The following TTC8 variants were observed in gnomAD, a reference collection of about 807,000 sequenced individuals.
The protein encoded by TTC8 is tetratricopeptide repeat protein 8.
TTC8 carries 47 observed loss-of-function variants against 72.5 expected under a neutral mutation model. That is an observed-to-expected ratio of 0.65 (90% CI 0.51 to 0.83). The LOEUF (loss-of-function observed/expected upper bound fraction) is 0.83. TTC8 is among the 40% of genes least tolerant of loss of function. The pLI is 0.00. For synonymous variants in TTC8, 199 were observed against 221.4 expected (o/e 0.90, Z 0.90); for missense variants, 611 against 623.2 (o/e 0.98, Z 0.21).
Position 88,847,424 on chromosome 14 carries a change from A to G in TTC8, c.624+3574A>G, listed in dbSNP as rs1264074864. 4.6e-5 allele frequency among the ~76,000 whole-genome samples: 7 copies of G among 152,338 alleles called. No individual in the cohort carries two copies. In the East Asian group the frequency reaches 1.4e-3, roughly 29 times the overall value. On this transcript the variant is annotated intron_variant, in intron 7 of 14. Coordinates refer to ENST00000380656, the MANE Select transcript of TTC8 (RefSeq NM_144596.4). ...AACATATCTCATTAACACGGAGGTG[A>G]TAGTAAAAACTATTGAGAACTGGAG...
chr14:88,860,736 C>T (rs1304165551), intron 9 of TTC8, among the ~76,000 whole-genome samples: 3 of 151,954 alleles, frequency 2.0e-5, no homozygotes, highest in Non-Finnish European at 4.4e-5. Flanking sequence ...TTATGTATAA[C>T]ATGTGGAGAT....
At chr14:88,826,308 A>T (rs182212315) in intron 1 of TTC8, among the ~76,000 whole-genome samples, 109 of 152,090 alleles carry the variant, frequency 7.2e-4, no homozygotes, top group African/African-American at 2.5e-3. Flanking sequence ...TTTTTGGCAT[A>T]GTAATCTTAT....
chr14:88,862,841 C>T lies in TTC8; in HGVS notation c.909+1509C>T, dbSNP rs73329013. Among the ~76,000 whole-genome samples, 1,311 of 151,020 alleles carry T rather than the reference C, an allele frequency of 8.7e-3. 15 individuals are homozygous for T. The highest frequency in any genetic ancestry group is 0.03 in the African/African-American group (1,253 of 41,148). On this transcript the variant is annotated intron_variant, in intron 10 of 14. Coordinates refer to ENST00000380656, the MANE Select transcript of TTC8 (RefSeq NM_144596.4). ...ATGCTTATAAATTTTAGAGTCATGT[C>T]GTCAAATTCTATGAAAAGTCCCATT...
intron 9 of TTC8, 137 bp from the exon 10 acceptor site, chr14:88,861,085 T>A (rs2094883778): frequency 3.0e-6 from 2 of 671,702 alleles, no homozygotes; most frequent in Non-Finnish European, 5.0e-6. Context: ...AATACAGGTG[T>A]GAGCCACCAC....
chr14:88,847,232 C>G (rs931154864), intron 7 of TTC8, among the ~76,000 whole-genome samples: 1 of 152,106 alleles, frequency 6.6e-6, no homozygotes, highest in Non-Finnish European at 1.5e-5. Flanking sequence ...GGTTAATAGA[C>G]GGGTGTAATG....
At chr14:88,841,704 C>G (rs2094782487) in intron 6 of TTC8, 190 bp downstream of exon 6, 1 of 619,934 alleles carries the variant, frequency 1.6e-6, no homozygotes, top group African/African-American at 1.8e-5. Flanking sequence ...AAATAAAGTA[C>G]ATATACCATT....
rs779999360 is a variant in TTC8 at position 88,877,454 on chromosome 14, A to C, written c.*44A>C. ...ATGTTCTTATGAAGCAGCATTATGC[A>C]AGGGGAAAAAAGCACTATGTCTGTG... On this transcript the variant is annotated 3_prime_UTR_variant, in exon 15 of 15. Coordinates refer to ENST00000380656, the MANE Select transcript of TTC8 (RefSeq NM_144596.4). 3.4e-6 allele frequency: 5 copies of C among 1,468,998 alleles called. No homozygotes were observed. The highest frequency in any genetic ancestry group is 1.4e-5 in the African/African-American group (1 of 71,974). 91.0% of individuals were successfully genotyped at this position (1,468,998 alleles called of 1,614,324 possible).
intron 7 of TTC8, among the ~76,000 whole-genome samples, chr14:88,851,602 G>A (rs1037788656): frequency 6.6e-6 from 1 of 151,986 alleles, no homozygotes; most frequent in African/African-American, 2.4e-5. Flanking sequence ...GAATTAAGCT[G>A]GCTGAAAATA....
intron 9 of TTC8, among the ~76,000 whole-genome samples, chr14:88,860,246 C>T (rs886607657): frequency 6.6e-6 from 1 of 151,784 alleles, no homozygotes; most frequent in African/African-American, 2.4e-5. Context: ...TCTATTGTAT[C>T]CCTTTGGATT....
intron 10 of TTC8, among the ~76,000 whole-genome samples, chr14:88,864,165 A>T (rs2094899963): frequency 6.6e-6 from 1 of 152,202 alleles, no homozygotes; most frequent in South Asian, 2.1e-4. Context: ...GATTTTCCAT[A>T]ATAAACATGT....
At chr14:88,846,720 T>C (rs1422406677) in intron 7 of TTC8, 1 of 1,084,396 alleles carries the variant, frequency 9.2e-7, no homozygotes, top group East Asian at 2.7e-5. Flanking sequence ...TTCTAAAGAT[T>C]CTAAGGGTTA....
chr14:88,857,656 G>A (rs112857507), intron 9 of TTC8, among the ~76,000 whole-genome samples: 24 of 152,156 alleles, frequency 1.6e-4, no homozygotes, highest in African/African-American at 5.1e-4. Context: ...CTAGTTACTC[G>A]GCTGAGGCAT....
At chr14:88,874,440 A>C (rs1355971438) in intron 13 of TTC8, among the ~76,000 whole-genome samples, 1 of 152,096 alleles carries the variant, frequency 6.6e-6, no homozygotes, top group Non-Finnish European at 1.5e-5. Context: ...CAAAAAAAAA[A>C]TGTGAATGTT....
At position 88,870,199 on chromosome 14, in the gene TTC8, GTGC is replaced by G. The variant is rs587777807; in HGVS notation, c.1049+2_1049+4del. ...CAGAAATAGCTCTCCGGTTTTACAG[GTGC>G]ACTTCACATCCAATTCTTAGAACCA... On this transcript the variant is annotated splice_donor_variant and splice_donor_region_variant and intron_variant, in intron 11 of 14. Coordinates refer to ENST00000380656, the MANE Select transcript of TTC8 (RefSeq NM_144596.4). LOFTEE classifies it high-confidence loss of function. 1 of 1,613,984 alleles carries G rather than the reference GTGC, an allele frequency of 6.2e-7. No homozygotes were observed. Among genetic ancestry groups the G allele is most frequent in the South Asian group, 1.1e-5 (1 of 91,074 alleles).
intron 8 of TTC8, among the ~76,000 whole-genome samples, chr14:88,853,796 A>G (rs577846475): frequency 6.6e-6 from 1 of 152,360 alleles, no homozygotes; most frequent in Non-Finnish European, 1.5e-5. Flanking sequence ...TATAGCAACT[A>G]GTAAATAAGA....
chr14:88,871,591 C>T lies in TTC8; in HGVS notation c.1092C>T (p.Asn364=). Residue 364 remains asparagine (N), a synonymous_variant, in exon 12 of 15, where the codon AAC becomes AAT. Transcript: ENST00000380656. The surrounding 1 kb of genome is among the most constrained non-coding windows in gnomAD (Gnocchi z 4.1). ...QMGIYNGQLF[N]NLGLCCFYAQ... is the part of the protein sequence containing the mutation. Reference sequence around the variant, plus strand: ...GCATTTATAACGGCCAGCTTTTTAACAATCTGGGGCTGTGTTGCTTCTATG... The same window carrying T: ...GCATTTATAACGGCCAGCTTTTTAATAATCTGGGGCTGTGTTGCTTCTATG... 1 of 1,614,052 alleles carries T rather than the reference C, an allele frequency of 6.2e-7. No individual in the cohort carries two copies. The highest frequency in any genetic ancestry group is 1.3e-5 in the African/African-American group (1 of 75,018).
intron 1 of TTC8, chr14:88,830,935 G>A (rs368617343): frequency 3.1e-5 from 14 of 455,894 alleles, no homozygotes; most frequent in East Asian, 6.9e-5. Context: ...CACATCCTAC[G>A]GTAGTCTGTG....
chr14:88,843,718 T>C, intron 6 of TTC8, 88 bp from the exon 7 acceptor site: 1 of 891,396 alleles, frequency 1.1e-6, no homozygotes, highest in Non-Finnish European at 1.7e-6. Context: ...GGCCCTTTTA[T>C]CTATAAATCC....
chr14:88,855,470 C>G (rs1314317039), intron 8 of TTC8, among the ~76,000 whole-genome samples: 1 of 152,132 alleles, frequency 6.6e-6, no homozygotes, highest in African/African-American at 2.4e-5. Context: ...TTTCTTTGCA[C>G]AAGAATTCAT....
Sources: gnomAD v4.1 joint callset for allele counts (sites outside exome capture counted in the v4.1 genomes callset) on GRCh38, gnomAD v4.1.1 for gene constraint, Gnocchi (gnomAD v3.1) non-coding constraint, MANE v1.5 for transcripts, NCBI Gene and HGNC (gene_info 2026-07-23, HGNC 2026-07-21) for gene names.